The following TMEM132B variants were observed in gnomAD, a reference collection of about 807,000 sequenced individuals.
TMEM132B encodes transmembrane protein 132B.
In TMEM132B, 18 loss-of-function variants were observed where a neutral mutation model predicts 90.8. The ratio of observed to expected loss-of-function variants is 0.20; its 90% CI spans 0.14 to 0.29. The LOEUF (loss-of-function observed/expected upper bound fraction) is 0.29. TMEM132B is among the 10% of genes least tolerant of loss of function. The pLI is 1.00. For missense variants in TMEM132B, 1,096 were observed against 1,326.8 expected, an observed-to-expected ratio of 0.83 and a Z score of 2.70; for synonymous variants, 504 against 523.3, an observed-to-expected ratio of 0.96 and a Z score of 0.50.
chr12:125,280,037 C>G (rs1875115009), intron 1 of TMEM132B, among the ~76,000 whole-genome samples: 1 of 152,154 alleles, frequency 6.6e-6, no homozygotes, highest in South Asian at 2.1e-4. Context: ...AACTGAGACA[C>G]AGAGAGAGGA....
intron 1 of TMEM132B, among the ~76,000 whole-genome samples, chr12:125,319,918 A>G (rs1442132825): frequency 6.6e-6 from 1 of 151,950 alleles, no homozygotes; most frequent in East Asian, 1.9e-4. Context: ...TGGGAGGCTG[A>G]GGTGGGAGGA....
chr12:125,523,694 G>A (rs11058221), intron 4 of TMEM132B, among the ~76,000 whole-genome samples: 1 of 152,022 alleles, frequency 6.6e-6, no homozygotes, highest in Non-Finnish European at 1.5e-5. Flanking sequence ...ATCTCTTCTC[G>A]CATGATCTGC....
chr12:125,404,195 T>C (rs149968486), intron 2 of TMEM132B, among the ~76,000 whole-genome samples: 109 of 152,240 alleles, frequency 7.2e-4, no homozygotes, highest in African/African-American at 2.5e-3. Flanking sequence ...TTTTTAAAAA[T>C]CAATTGCAAC....
intron 4 of TMEM132B, among the ~76,000 whole-genome samples, chr12:125,524,291 C>A (rs574505751): frequency 7.9e-5 from 12 of 152,330 alleles, no homozygotes; most frequent in African/African-American, 2.9e-4. Flanking sequence ...CCAGATAGGG[C>A]ACTGGATCAG....
intron 4 of TMEM132B, among the ~76,000 whole-genome samples, chr12:125,546,152 C>A (rs1199175432): frequency 6.6e-6 from 1 of 151,966 alleles, no homozygotes; most frequent in Admixed American, 6.6e-5. Context: ...AATTTCCATC[C>A]CCAATCCCAG....
intron 1 of TMEM132B, among the ~76,000 whole-genome samples, chr12:125,221,392 G>C (rs1385334161): frequency 6.6e-6 from 1 of 152,238 alleles, no homozygotes; most frequent in Non-Finnish European, 1.5e-5. Flanking sequence ...TCTAGTCGGA[G>C]AAATGAGTGG....
intron 4 of TMEM132B, among the ~76,000 whole-genome samples, chr12:125,544,148 G>T (rs777683522): frequency 3.9e-5 from 6 of 152,154 alleles, no homozygotes; most frequent in Non-Finnish European, 5.9e-5. Flanking sequence ...GAGTTGAACA[G>T]TGAGAACACA....
chr12:125,431,804 A>G (rs1187887339), intron 3 of TMEM132B, among the ~76,000 whole-genome samples: 2 of 152,086 alleles, frequency 1.3e-5, no homozygotes, highest in Non-Finnish European at 2.9e-5. Context: ...GGTTGGCTTG[A>G]GATACAATCT....
intron 3 of TMEM132B, among the ~76,000 whole-genome samples, chr12:125,451,094 G>C (rs1120171): frequency 0.32 from 49,234 of 151,988 alleles, 8,143 homozygotes; most frequent in East Asian, 0.52. Context: ...AAAGGGATAT[G>C]CAATAACAGA....
intron 3 of TMEM132B, among the ~76,000 whole-genome samples, chr12:125,462,537 A>C (rs1881464610): frequency 6.6e-6 from 1 of 152,188 alleles, no homozygotes; most frequent in Non-Finnish European, 1.5e-5. Flanking sequence ...GATATCTGGT[A>C]TAGCCTGGCA....
In TMEM132B at chr12:125,650,704, C is replaced by T. The variant is rs372079668; in HGVS notation, c.1665C>T (p.Asp555=). ...CCAGGCCTACCCGGGAAAGCGATGA[C>T]GAGGACGATGAGGAGAAGAAGGGAC... is the stretch of plus-strand genomic sequence containing the variant. ...ANRRPTRESD[D]EDDEEKKGRG... is the part of the protein sequence containing the mutation. The change falls in exon 7 of 9, where the codon GAC becomes GAT. Residue 555 remains aspartate, a synonymous_variant. Coordinates refer to ENST00000682704, the MANE Select transcript of TMEM132B (RefSeq NM_001366854.1). The T allele has an allele frequency of 2.6e-4, 417 of 1,608,834 alleles. No homozygotes were observed. The highest frequency in any genetic ancestry group is 4.7e-4 in the African/African-American group (35 of 74,816).
At chr12:125,615,011 T>C (rs1319045642) in intron 5 of TMEM132B, among the ~76,000 whole-genome samples, 1 of 152,190 alleles carries the variant, frequency 6.6e-6, no homozygotes, top group African/African-American at 2.4e-5. Flanking sequence ...GTCCTCAGGT[T>C]TTATTATTTC....
In TMEM132B at chr12:125,261,170, A is replaced by G. The variant is rs149999666; in HGVS notation, c.67+74304A>G. On this transcript the variant is annotated intron_variant, in intron 1 of 8. Coordinates refer to ENST00000682704, the MANE Select transcript of TMEM132B (RefSeq NM_001366854.1). ...TTTCTGGTCCAGGTATTTTAGGGCA[A>G]AGATACATCCTGTCTTAAATTCTGT... Among the ~76,000 whole-genome samples the G allele has an allele frequency of 3.0e-4, 45 of 152,268 alleles. 1 individual carries two copies. The highest frequency in any genetic ancestry group is 1.1e-3 in the African/African-American group (44 of 41,556).
At chr12:125,268,126 C>T (rs1441493990) in intron 1 of TMEM132B, among the ~76,000 whole-genome samples, 1 of 152,140 alleles carries the variant, frequency 6.6e-6, no homozygotes, top group Admixed American at 6.5e-5. Flanking sequence ...GCTGCTATGC[C>T]AAAGGGAGAT....
intron 3 of TMEM132B, among the ~76,000 whole-genome samples, chr12:125,516,187 G>T (rs114408604): frequency 1.3e-5 from 2 of 151,574 alleles, no homozygotes; most frequent in Admixed American, 6.6e-5. Context: ...ATACACTATC[G>T]CACTCTCACA....
At chr12:125,310,694 C>T (rs1441282150) in intron 1 of TMEM132B, among the ~76,000 whole-genome samples, 1 of 152,164 alleles carries the variant, frequency 6.6e-6, no homozygotes, top group Non-Finnish European at 1.5e-5. Flanking sequence ...CCATGGCAAC[C>T]GTAGCCAGCC....
At chr12:125,484,989 G>A (rs1882163430) in intron 3 of TMEM132B, among the ~76,000 whole-genome samples, 1 of 152,116 alleles carries the variant, frequency 6.6e-6, no homozygotes. Context: ...GTTAGAATCA[G>A]TGCCTGTTGC....
chr12:125,238,366 C>CAAAAAAAAAAAAAAAAAAAAAAAAA (rs762032967), intron 1 of TMEM132B, among the ~76,000 whole-genome samples: 1 of 111,584 alleles, frequency 9.0e-6, no homozygotes, highest in Admixed American at 9.4e-5. Flanking sequence ...AAAAAAAAAC[C>CAAAAAAAAAAAAAAAAAAAAAAAAA]AAAAAAAAAA....
At chr12:125,551,912 A>T (rs533139196) in intron 4 of TMEM132B, among the ~76,000 whole-genome samples, 1 of 152,242 alleles carries the variant, frequency 6.6e-6, no homozygotes, top group Non-Finnish European at 1.5e-5. Context: ...GCAGAAACAC[A>T]TGTGATCTCT....
Sources: gnomAD v4.1 joint callset for allele counts (sites outside exome capture counted in the v4.1 genomes callset) on GRCh38, gnomAD v4.1.1 for gene constraint, MANE v1.5 for transcripts, NCBI Gene and HGNC (gene_info 2026-07-23, HGNC 2026-07-21) for gene names.